CILK1: variants seen among roughly 807,000 people sequenced by gnomAD.
CILK1 encodes serine/threonine-protein kinase ICK.
A neutral mutation model predicts 79.2 loss-of-function variants in CILK1; 47 were observed. The observed-to-expected ratio is 0.59, with a 90% CI of 0.47 to 0.76. CILK1 has a LOEUF of 0.76. CILK1 is among the 30% of genes least tolerant of loss of function. The pLI is 0.00. For missense variants in CILK1, 660 were observed against 769.5 expected (o/e 0.86, Z 1.68); for synonymous variants, 266 against 275.9 (o/e 0.96, Z 0.36).
In CILK1 at chr6:53,003,504, T is replaced by G. The variant is rs1581927379; in HGVS notation, c.*1645A>C. The stretch of plus-strand genomic sequence containing the variant: ...CCTGTAATCCCAGTACTTTGGGAGG[T>G]GGAGGAGGGTGGATCACGAGGTCAG... On this transcript the variant is annotated 3_prime_UTR_variant, in exon 14 of 14. Coordinates refer to ENST00000676107, the MANE Select transcript of CILK1 (RefSeq NM_014920.5). 3 of 151,854 alleles carry G rather than the reference T, an allele frequency of 2.0e-5. No homozygotes were observed. The highest frequency in any genetic ancestry group is 7.3e-5 in the African/African-American group (3 of 41,332). The allele number at this position is 151,854 out of a possible 1,614,324, so 9.4% of individuals were successfully genotyped here.
At chr6:53,019,088 A>C (rs1275962361) in intron 6 of CILK1, 139 bp downstream of exon 6, 2 of 784,266 alleles carry the variant, frequency 2.6e-6, no homozygotes, top group Admixed American at 5.0e-5. Context: ...CATTACCAAC[A>C]TATCTATAAA....
intron 1 of CILK1, among the ~76,000 whole-genome samples, chr6:53,055,854 G>A (rs759320542): frequency 5.9e-5 from 9 of 152,046 alleles, no homozygotes; most frequent in Non-Finnish European, 1.0e-4. Flanking sequence ...AAGTAAAGGC[G>A]AAATGTTAAA....
intron 12 of CILK1, among the ~76,000 whole-genome samples, chr6:53,009,171 T>C (rs1432188970): frequency 6.6e-6 from 1 of 152,178 alleles, no homozygotes; most frequent in Non-Finnish European, 1.5e-5. Flanking sequence ...TAAGAGTCTG[T>C]AAAGGTATTT....
Position 53,009,550 on chromosome 6 carries a change from C to T in CILK1, c.1510G>A (p.Gly504Ser). 3.7e-6 allele frequency: 6 copies of T among 1,609,296 alleles called. No homozygotes were observed. Among genetic ancestry groups the T allele is most frequent in the Non-Finnish European group, 5.1e-6 (6 of 1,175,574 alleles). The change falls in exon 12 of 14, where the codon GGC becomes AGC. Residue 504 changes from glycine to serine, a missense_variant. Transcript: ENST00000676107. Reference sequence around the variant, plus strand: ...TCCTTGCCTGGATTCGAGAGTATGCCATTTCTTATACTGATCCCTGATAGA... The same window carrying T: ...TCCTTGCCTGGATTCGAGAGTATGCTATTTCTTATACTGATCCCTGATAGA... ...RYLPGISIRN[G>S]ILSNPGKEFI...
At chr6:53,021,265 C>A (rs963570482) in intron 5 of CILK1, among the ~76,000 whole-genome samples, 2 of 144,352 alleles carry the variant, frequency 1.4e-5, no homozygotes, top group Non-Finnish European at 1.5e-5. Context: ...GTGGAGGTTG[C>A]AGTGAGCTGA....
intron 11 of CILK1, among the ~76,000 whole-genome samples, chr6:53,009,922 T>G (rs1181166387): frequency 6.6e-6 from 1 of 152,186 alleles, no homozygotes; most frequent in Non-Finnish European, 1.5e-5. Flanking sequence ...ACCCATGGCC[T>G]CCAACTCTGC....
At chr6:53,007,322 G>A (rs1368249942) in intron 12 of CILK1, among the ~76,000 whole-genome samples, 1 of 152,162 alleles carries the variant, frequency 6.6e-6, no homozygotes, top group East Asian at 1.9e-4. Context: ...TTGGTCAGCT[G>A]GGGTGTATTT....
intron 1 of CILK1, among the ~76,000 whole-genome samples, chr6:53,057,595 TATTTA>T (rs1163387251): frequency 3.0e-5 from 2 of 65,824 alleles, no homozygotes; most frequent in Admixed American, 1.9e-4. Context: ...ATGATGAGCT[TATTTA>T]AAGATAAAAT....
chr6:53,018,330 C>T lies in CILK1; in HGVS notation c.663G>A (p.Lys221=). The change falls in exon 7 of 14, where the codon AAG becomes AAA. Residue 221 remains lysine, a splice_region_variant and synonymous_variant. Transcript: ENST00000676107. ...ACTGGCCTTTGTTTTGTATCATTAC[C>T]TTTTTTGGTGTCCCCAGCACTTGGC... The part of the protein sequence containing the change: ...KICQVLGTPK[K]TDWPEGYQLS... The T allele has an allele frequency of 1.9e-6, 3 of 1,613,998 alleles. No homozygotes were observed. Among genetic ancestry groups the T allele is most frequent in the Non-Finnish European group, 2.5e-6 (3 of 1,179,910 alleles).
chr6:53,033,455 T>A (rs1038163863), intron 3 of CILK1, among the ~76,000 whole-genome samples: 1 of 152,186 alleles, frequency 6.6e-6, no homozygotes, highest in Non-Finnish European at 1.5e-5. Flanking sequence ...GTTCTGTTGA[T>A]AGTGAACAAA....
At chr6:53,014,543 ATAACT>A (rs1035315473) in intron 8 of CILK1, among the ~76,000 whole-genome samples, 4 of 152,246 alleles carry the variant, frequency 2.6e-5, no homozygotes, top group African/African-American at 9.6e-5. Flanking sequence ...TAGCCAAGAG[ATAACT>A]TAAAGTTTAG....
rs759977487 is a variant in CILK1, at chr6:53,011,855, G to A, written c.1406C>T (p.Thr469Ile). ...EPVGTGNSAPTQTSYQRRDTP... is the reference protein window; with the variant it reads ...EPVGTGNSAPIQTSYQRRDTP... ...GTCTCGCCGCTGATATGACGTCTGG[G>A]TGGGGGCACTGTTTCCTGTGCCCAC... The change falls in exon 11 of 14, where the codon ACC becomes ATC. Residue 469 changes from threonine to isoleucine, a missense_variant. Physicochemically the swap from Thr to Ile is moderately conservative, Grantham distance 89. Transcript: ENST00000676107. The A allele has an allele frequency of 6.2e-6, 10 of 1,614,060 alleles. No homozygotes were observed. In the African/African-American group the frequency reaches 8.0e-5, roughly 13 times the overall value.
intron 3 of CILK1, among the ~76,000 whole-genome samples, chr6:53,033,190 G>A (rs1766084098): frequency 6.6e-6 from 1 of 152,234 alleles, no homozygotes; most frequent in Non-Finnish European, 1.5e-5. Context: ...TACAATGTGA[G>A]TTTGAGTTAC....
intron 1 of CILK1, among the ~76,000 whole-genome samples, chr6:53,052,249 G>A (rs6923621): frequency 2.1e-3 from 323 of 152,184 alleles, no homozygotes; most frequent in African/African-American, 7.2e-3. Context: ...ATTTTATAGC[G>A]GCAAAGTATT....
chr6:53,001,761 A>G lies in CILK1; in HGVS notation c.*3388T>C, dbSNP rs1763956501. 1 of 152,686 alleles carries G rather than the reference A, an allele frequency of 6.5e-6. No individual in the cohort carries two copies. The highest frequency in any genetic ancestry group is 1.5e-5 in the Non-Finnish European group (1 of 68,050). The allele number at this position is 152,686 out of a possible 1,614,324, so 9.5% of individuals were successfully genotyped here. On this transcript the variant is annotated 3_prime_UTR_variant, in exon 14 of 14. Coordinates refer to ENST00000676107, the MANE Select transcript of CILK1 (RefSeq NM_014920.5). ...AATTAGCTCCATATATTATGTTGCT[A>G]CAGTATGGTTTAAATGATATAAAAT...
At chr6:53,009,859 C>T (rs1256940470) in intron 11 of CILK1, among the ~76,000 whole-genome samples, 2 of 152,140 alleles carry the variant, frequency 1.3e-5, no homozygotes, top group African/African-American at 4.8e-5. Flanking sequence ...CTGTTCTTCC[C>T]CTTCACAGAC....
chr6:53,046,207 C>T (rs1767064898), intron 1 of CILK1, among the ~76,000 whole-genome samples: 1 of 152,172 alleles, frequency 6.6e-6, no homozygotes, highest in Admixed American at 6.5e-5. Context: ...TCTCTGAATC[C>T]TCACACATTT....
chr6:53,013,496 G>C (rs2127410692), intron 9 of CILK1, among the ~76,000 whole-genome samples, 166 bp downstream of exon 9: 1 of 152,330 alleles, frequency 6.6e-6, no homozygotes, highest in East Asian at 1.9e-4. Flanking sequence ...CTTGAATTTA[G>C]ATCTTTCACT....
intron 5 of CILK1, among the ~76,000 whole-genome samples, chr6:53,025,166 C>T (rs1037576792): frequency 6.6e-6 from 1 of 152,106 alleles, no homozygotes; most frequent in East Asian, 1.9e-4. Flanking sequence ...TGTTTTGATC[C>T]TCTCAAGTCT....
Sources: gnomAD v4.1 joint callset for allele counts (sites outside exome capture counted in the v4.1 genomes callset) on GRCh38, gnomAD v4.1.1 for gene constraint, MANE v1.5 for transcripts, NCBI Gene and HGNC (gene_info 2026-07-23, HGNC 2026-07-21) for gene names.